ARSG: variants seen among roughly 807,000 people sequenced by gnomAD.
The protein encoded by ARSG is arylsulfatase G, also known as ASG.
Under a neutral mutation model 50.5 loss-of-function variants are expected in ARSG, and 37 were observed. That is an observed-to-expected ratio of 0.73 (90% CI 0.56 to 0.96). The LOEUF is 0.96. Among genes scored for constraint, ARSG ranks in the 50% least tolerant of loss-of-function variants. ARSG has a pLI of 0.00. For missense variants in ARSG, 629 were observed against 675.3 expected, an observed-to-expected ratio of 0.93 and a Z score of 0.76; for synonymous variants, 225 against 254.6, an observed-to-expected ratio of 0.88 and a Z score of 1.11.
intron 2 of ARSG, among the ~76,000 whole-genome samples, chr17:68,330,981 G>GCA (rs2077709568): frequency 7.9e-6 from 1 of 127,056 alleles, no homozygotes; most frequent in Admixed American, 7.7e-5. Flanking sequence ...TTTTTTGCGG[G>GCA]GGGGGGGGGA....
chr17:68,269,023 C>T (rs1778076908), intron 1 of ARSG: 1 of 1,590,566 alleles, frequency 6.3e-7, no homozygotes, highest in African/African-American at 1.4e-5. Context: ...GCTCCTCTGC[C>T]TCCTTGTGTC....
the ARSG span, chr17:68,428,720 G>T: frequency 1.2e-6 from 1 of 838,236 alleles, no homozygotes; most frequent in Non-Finnish European, 1.9e-6. Context: ...GAGACTGCCA[G>T]TGAAGAACAA....
chr17:68,436,518 A>G, the ARSG span: 2 of 1,592,980 alleles, frequency 1.3e-6, no homozygotes, highest in East Asian at 2.2e-5. Flanking sequence ...GCCTGGGGCC[A>G]AGGGAGAGAT....
At chr17:68,389,386 A>G (rs888810416) in intron 9 of ARSG, among the ~76,000 whole-genome samples, 1 of 152,062 alleles carries the variant, frequency 6.6e-6, no homozygotes. Context: ...TCGTGTGTGG[A>G]TGAGGGTGCC....
intron 2 of ARSG, among the ~76,000 whole-genome samples, chr17:68,323,557 C>G (rs531358748): frequency 7.9e-5 from 12 of 152,256 alleles, no homozygotes; most frequent in African/African-American, 2.6e-4. Flanking sequence ...GCCAAGTCCT[C>G]TTTTCACAAA....
chr17:68,332,650 A>G (rs2077827938), intron 2 of ARSG, among the ~76,000 whole-genome samples: 1 of 152,212 alleles, frequency 6.6e-6, no homozygotes, highest in Non-Finnish European at 1.5e-5. Context: ...ATGTTCAGAG[A>G]TTGCAGTAAA....
chr17:68,263,308 G>A (rs1555745641), intron 1 of ARSG, among the ~76,000 whole-genome samples: 1 of 152,152 alleles, frequency 6.6e-6, no homozygotes, highest in Admixed American at 6.5e-5. Flanking sequence ...CCAGCTGTAC[G>A]CTACGATCGC....
chr17:68,450,730 G>A, the ARSG span: 3 of 1,605,278 alleles, frequency 1.9e-6, no homozygotes, highest in Admixed American at 1.7e-5. Context: ...CCACTTACTT[G>A]CCGGTTCAGC....
upstream of ARSG, among the ~76,000 whole-genome samples, chr17:68,290,534 C>T (rs965052290): frequency 1.3e-5 from 2 of 152,224 alleles, no homozygotes; most frequent in African/African-American, 4.8e-5. Flanking sequence ...CGGGAAATCC[C>T]CGGCTTCCCG....
At chr17:68,268,912 A>AT (rs782169981) in intron 1 of ARSG, 509 of 1,369,216 alleles carry the variant, frequency 3.7e-4, no homozygotes, top group Non-Finnish European at 4.8e-4. Context: ...AAAAAAAAAA[A>AT]GCTTAAAACA....
Position 68,308,078 on chromosome 17 carries a change from A to C in ARSG, c.218+367A>C, listed in dbSNP as rs183035435. Among the ~76,000 whole-genome samples the C allele has an allele frequency of 8.0e-3, 1,210 of 152,134 alleles. 45 individuals carry two copies. Among genetic ancestry groups the C allele is most frequent in the Admixed American group, 0.061 (938 of 15,286 alleles). ...CAATGCTTTGGGAGACTCAGGTGGG[A>C]GGTTCACCTGAGCCCATGATTTTGG... On this transcript the variant is annotated intron_variant, in intron 2 of 11. Transcript: ENST00000621439.
chr17:68,273,669 G>A (rs1338846085), intron 1 of ARSG, among the ~76,000 whole-genome samples: 3 of 152,096 alleles, frequency 2.0e-5, no homozygotes, highest in Non-Finnish European at 2.9e-5. Context: ...CTATCTTTTG[G>A]CTGCAAATAC....
chr17:68,282,700 T>G (rs2075730480), intron 1 of ARSG, among the ~76,000 whole-genome samples: 1 of 146,694 alleles, frequency 6.8e-6, no homozygotes, highest in Non-Finnish European at 1.5e-5. Flanking sequence ...TCCCAGAACT[T>G]TGGGAGGCCG....
the ARSG span, among the ~76,000 whole-genome samples, chr17:68,449,656 G>A: frequency 2.0e-5 from 3 of 152,146 alleles, no homozygotes; most frequent in Non-Finnish European, 2.9e-5. Flanking sequence ...CACGTAAGAC[G>A]CCTGCTCCCG....
chr17:68,344,765 C>G (rs2078431156), intron 3 of ARSG, among the ~76,000 whole-genome samples: 1 of 152,212 alleles, frequency 6.6e-6, no homozygotes, highest in Non-Finnish European at 1.5e-5. Flanking sequence ...CCCTTGGGAT[C>G]CCTGCCTCCT....
At chr17:68,331,510 C>T (rs1435903519) in intron 2 of ARSG, among the ~76,000 whole-genome samples, 1 of 152,064 alleles carries the variant, frequency 6.6e-6, no homozygotes, top group Non-Finnish European at 1.5e-5. Context: ...TCCCAAAGTG[C>T]TGGGATTACA....
the ARSG span, among the ~76,000 whole-genome samples, chr17:68,429,530 T>C: frequency 6.6e-6 from 1 of 152,180 alleles, no homozygotes; most frequent in African/African-American, 2.4e-5. Context: ...TGAGAATCCG[T>C]ATTGAAGTCA....
Position 68,262,153 on chromosome 17 carries a change from T to C in ARSG, c.-552+2727T>C, listed in dbSNP as rs191267776. ...CGTGGGTGACAAGAGCAAAACTCCATCTCAAACGAAAACAAACAAAAAAAA... is the reference window on the plus strand; with the variant it reads ...CGTGGGTGACAAGAGCAAAACTCCACCTCAAACGAAAACAAACAAAAAAAA... On this transcript the variant is annotated intron_variant, in intron 1 of 11. Coordinates refer to the ARSG transcript ENST00000448504. Among the ~76,000 whole-genome samples, 23 of 125,374 alleles carry C rather than the reference T, an allele frequency of 1.8e-4. No homozygotes were observed. The East Asian group carries it at 4.5e-3, about 24-fold the overall frequency. The allele number at this position is 125,374 out of a possible 152,430, so 82.3% of individuals were successfully genotyped here. A position where few individuals can be genotyped will look rare whatever the true frequency, so the allele number is the denominator to read the frequency against.
chr17:68,289,995 T>G (rs2075933202), upstream of ARSG, among the ~76,000 whole-genome samples: 1 of 152,224 alleles, frequency 6.6e-6, no homozygotes, highest in Non-Finnish European at 1.5e-5. Context: ...ATAACGGTGC[T>G]TGGGACATGG....
Sources: gnomAD v4.1 joint callset for allele counts (sites outside exome capture counted in the v4.1 genomes callset) on GRCh38, gnomAD v4.1.1 for gene constraint, MANE v1.5 for transcripts, NCBI Gene and HGNC (gene_info 2026-07-23, HGNC 2026-07-21) for gene names.